The following NRG3 variants were observed in gnomAD, a reference collection of about 807,000 sequenced individuals.
NRG3 encodes neuregulin 3.
Under a neutral mutation model 66.9 loss-of-function variants are expected in NRG3, and 31 were observed. The observed-to-expected ratio is 0.46, with a 90% CI of 0.35 to 0.63. The LOEUF is 0.63. Ranked by LOEUF, NRG3 falls within the 20% of genes least tolerant of loss-of-function variation. The probability of loss-of-function intolerance (pLI) is 0.00; values close to 1 mark genes in which losing one functional copy is unlikely to be tolerated. For synonymous variants in NRG3, 393 were observed against 359.4 expected, an observed-to-expected ratio of 1.09 and a Z score of -1.06; for missense variants, 910 against 878.9, an observed-to-expected ratio of 1.04 and a Z score of -0.45.
chr10:82,841,942 A>T (rs530283980), intron 3 of NRG3, among the ~76,000 whole-genome samples: 1 of 152,294 alleles, frequency 6.6e-6, no homozygotes, highest in Non-Finnish European at 1.5e-5. Flanking sequence ...GCCTCCATAT[A>T]GCCACAGAAA....
intron 2 of NRG3, among the ~76,000 whole-genome samples, chr10:82,706,181 G>T (rs1194530558): frequency 1.3e-5 from 2 of 152,000 alleles, no homozygotes; most frequent in Non-Finnish European, 2.9e-5. Flanking sequence ...AATCTTTTCA[G>T]CAATAGTAGC....
At chr10:82,140,241 CTT>C (rs2132629728) in intron 1 of NRG3, among the ~76,000 whole-genome samples, 2 of 152,212 alleles carry the variant, frequency 1.3e-5, no homozygotes, top group East Asian at 3.9e-4. Context: ...GGATTTCCCT[CTT>C]GTGTCAGATC....
At position 82,246,711 on chromosome 10, in the gene NRG3, G is replaced by A. The variant is rs76309031; in HGVS notation, c.824-112028G>A. Among the ~76,000 whole-genome samples the A allele has an allele frequency of 8.7e-3, 1,317 of 152,234 alleles. 13 individuals carry two copies. Among genetic ancestry groups the A allele is most frequent in the African/African-American group, 0.03 (1,237 of 41,542 alleles). ...ATGGGAAATGATCTTAGTCTGAATC[G>A]CAAGATTGCATGTTTTGCTTTTACT... On this transcript the variant is annotated intron_variant, in intron 1 of 8. Coordinates refer to ENST00000372141, the MANE Select transcript of NRG3 (RefSeq NM_001010848.4).
chr10:82,911,731 T>A (rs1255456183), intron 4 of NRG3, among the ~76,000 whole-genome samples: 1 of 151,774 alleles, frequency 6.6e-6, no homozygotes. Context: ...ATTTCCTGTT[T>A]TCAATTTCAT....
intron 2 of NRG3, among the ~76,000 whole-genome samples, chr10:82,617,323 GACACACAC>G (rs148717796): frequency 6.1e-4 from 85 of 140,162 alleles, no homozygotes; most frequent in Admixed American, 2.9e-3. Flanking sequence ...CGCACACATA[GACACACAC>G]ACACACAGAC....
At chr10:82,661,759 A>T (rs1479923649) in intron 2 of NRG3, among the ~76,000 whole-genome samples, 1 of 152,238 alleles carries the variant, frequency 6.6e-6, no homozygotes, top group Non-Finnish European at 1.5e-5. Flanking sequence ...GAGGTGGTCT[A>T]GGTTGGTCTG....
chr10:82,080,264 T>G (rs1354891658), intron 1 of NRG3, among the ~76,000 whole-genome samples: 1 of 152,156 alleles, frequency 6.6e-6, no homozygotes, highest in Admixed American at 6.5e-5. Flanking sequence ...TGGTTAATTG[T>G]TATTTTAAGG....
chr10:82,674,504 AC>A (rs1434396356), intron 2 of NRG3, among the ~76,000 whole-genome samples: 2 of 152,180 alleles, frequency 1.3e-5, no homozygotes, highest in African/African-American at 4.8e-5. Context: ...TGACACTTAA[AC>A]ATGGCTTAAG....
chr10:82,591,293 T>C (rs964680654), intron 2 of NRG3, among the ~76,000 whole-genome samples: 1 of 152,200 alleles, frequency 6.6e-6, no homozygotes, highest in African/African-American at 2.4e-5. Flanking sequence ...AGGATAGGCA[T>C]CCCAAATTGA....
intron 1 of NRG3, among the ~76,000 whole-genome samples, chr10:82,275,755 T>A (rs7074624): frequency 6.6e-6 from 1 of 151,822 alleles, no homozygotes; most frequent in Non-Finnish European, 1.5e-5. Flanking sequence ...CTTAAAGATA[T>A]AATTGGAGTA....
At chr10:82,864,954 T>A (rs1337930765) in intron 3 of NRG3, among the ~76,000 whole-genome samples, 1 of 152,188 alleles carries the variant, frequency 6.6e-6, no homozygotes, top group Non-Finnish European at 1.5e-5. Flanking sequence ...AAAGTACACC[T>A]GATTAGGGCC....
chr10:82,056,609 T>C (rs1371842422), intron 1 of NRG3, among the ~76,000 whole-genome samples: 30 of 151,988 alleles, frequency 2.0e-4, no homozygotes, highest in Admixed American at 1.9e-3. Flanking sequence ...AACTACAGTC[T>C]TACAGCTATG....
intron 6 of NRG3, among the ~76,000 whole-genome samples, chr10:82,959,996 T>C (rs993212282): frequency 1.3e-5 from 2 of 152,188 alleles, no homozygotes; most frequent in East Asian, 1.9e-4. Context: ...ACAAAGGCCA[T>C]TGCATAAACC....
intron 1 of NRG3, among the ~76,000 whole-genome samples, chr10:82,198,062 G>A (rs1282623983): frequency 6.6e-6 from 1 of 152,126 alleles, no homozygotes; most frequent in Non-Finnish European, 1.5e-5. Flanking sequence ...AATAGTTGAT[G>A]TTACCTTATG....
intron 1 of NRG3, among the ~76,000 whole-genome samples, chr10:82,164,897 ATAGGAGTTATTATAGTATT>A (rs1233462519): frequency 6.6e-6 from 1 of 152,156 alleles, no homozygotes; most frequent in Non-Finnish European, 1.5e-5. Flanking sequence ...AGGAGAAGTT[ATAGGAGTTATTATAGTATT>A]TAGCCTTCTA....
chr10:81,897,866 G>A (rs1277832471), intron 1 of NRG3, among the ~76,000 whole-genome samples: 1 of 152,192 alleles, frequency 6.6e-6, no homozygotes, highest in Non-Finnish European at 1.5e-5. Flanking sequence ...AATTCTTGTA[G>A]ATGTAGTGCA....
intron 4 of NRG3, among the ~76,000 whole-genome samples, chr10:82,895,642 C>T (rs891767674): frequency 1.3e-5 from 2 of 152,076 alleles, no homozygotes; most frequent in Admixed American, 1.3e-4. Context: ...AGGCACCTGC[C>T]TCCATGCCCA....
chr10:82,354,729 C>CT (rs1237209979), intron 1 of NRG3, among the ~76,000 whole-genome samples: 1 of 152,116 alleles, frequency 6.6e-6, no homozygotes, highest in Non-Finnish European at 1.5e-5. Context: ...TTCCGTGCCT[C>CT]TGTGTCATGC....
Position 81,875,242 on chromosome 10 carries a change from C to T in NRG3, c.-99C>T. 2.7e-6 allele frequency: 2 copies of T among 753,324 alleles called. No homozygotes were observed. Among genetic ancestry groups the T allele is most frequent in the South Asian group, 1.1e-4 (2 of 17,562 alleles). The allele number at this position is 753,324 out of a possible 1,614,324, so 46.7% of individuals were successfully genotyped here. A position where few individuals can be genotyped will look rare whatever the true frequency, so the allele number is the denominator to read the frequency against. On this transcript the variant is annotated 5_prime_UTR_variant, in exon 1 of 9. Transcript: ENST00000372141. This position sits in a 1 kb window ranked among gnomAD's most constrained non-coding sequence, Gnocchi z 5.3. Reference sequence around the variant, plus strand: ...CCGCTGCCTGCGCCCGAGCCCGCCGCCGCCGCCGGAGCCCGCGCCCGCGCC... The same window carrying T: ...CCGCTGCCTGCGCCCGAGCCCGCCGTCGCCGCCGGAGCCCGCGCCCGCGCC...
Sources: allele counts gnomAD v4.1 joint callset (sites outside exome capture counted in the v4.1 genomes callset), GRCh38; gene constraint gnomAD v4.1.1; non-coding constraint Gnocchi (gnomAD v3.1); transcripts MANE v1.5; gene names NCBI Gene and HGNC (gene_info 2026-07-23, HGNC 2026-07-21).